Variants in STPG2 observed in about 807,000 individuals in gnomAD.
The protein encoded by STPG2 is sperm-tail PG-rich repeat-containing protein 2.
Under a neutral mutation model 54.2 loss-of-function variants are expected in STPG2, and 56 were observed. That is an observed-to-expected ratio of 1.03 (90% confidence interval 0.83 to 1.29). STPG2 has a LOEUF of 1.29. STPG2 is among the 50% of genes most tolerant of loss of function. The pLI is 0.00. For synonymous variants in STPG2, 200 were observed against 181.8 expected (o/e 1.10, Z -0.81); for missense variants, 596 against 544.9 (o/e 1.09, Z -0.93).
At chr4:97,881,795 ATATCCTAATAG>A (rs1398665266) in intron 8 of STPG2, among the ~76,000 whole-genome samples, 1 of 152,162 alleles carries the variant, frequency 6.6e-6, no homozygotes, top group African/African-American at 2.4e-5. Flanking sequence ...TATTGAAACA[ATATCCTAATAG>A]TACTCCATCA....
intron 5 of STPG2, among the ~76,000 whole-genome samples, chr4:98,023,399 T>C (rs1252105862): frequency 6.6e-6 from 1 of 152,196 alleles, no homozygotes; most frequent in East Asian, 1.9e-4. Flanking sequence ...CTGGAAGTTT[T>C]GTCTCAGAGG....
chr4:98,032,957 T>G (rs1736646361), intron 5 of STPG2, among the ~76,000 whole-genome samples: 1 of 152,110 alleles, frequency 6.6e-6, no homozygotes, highest in African/African-American at 2.4e-5. Flanking sequence ...AGAGGGAAAT[T>G]TATAGCACTA....
chr4:97,763,933 C>T (rs756340520), intron 9 of STPG2, among the ~76,000 whole-genome samples: 2 of 151,970 alleles, frequency 1.3e-5, no homozygotes, highest in Admixed American at 6.6e-5. Flanking sequence ...GTCTTCAAGG[C>T]CTACAAAATT....
chr4:97,932,799 C>A (rs1280024240), intron 8 of STPG2, among the ~76,000 whole-genome samples: 1 of 152,174 alleles, frequency 6.6e-6, no homozygotes, highest in East Asian at 1.9e-4. Context: ...CATGTCTTTG[C>A]TATTGTGAAT....
intron 9 of STPG2, among the ~76,000 whole-genome samples, chr4:97,815,684 G>C (rs1727886227): frequency 6.6e-6 from 1 of 152,076 alleles, no homozygotes; most frequent in Non-Finnish European, 1.5e-5. Context: ...TTCTCTTCTG[G>C]GAAAAGGTTA....
intron 9 of STPG2, among the ~76,000 whole-genome samples, chr4:97,775,183 A>C (rs185742280): frequency 6.6e-6 from 1 of 152,304 alleles, no homozygotes; most frequent in African/African-American, 2.4e-5. Flanking sequence ...GGGAATAATA[A>C]AAAGAGATGA....
At chr4:97,860,067 T>C (rs549774415) in intron 8 of STPG2, among the ~76,000 whole-genome samples, 1 of 152,350 alleles carries the variant, frequency 6.6e-6, no homozygotes, top group South Asian at 2.1e-4. Flanking sequence ...GAGTTCTCTA[T>C]TCTGTTCCAT....
intron 4 of STPG2, among the ~76,000 whole-genome samples, chr4:97,540,395 G>A (rs1369791544): frequency 3.9e-5 from 6 of 152,018 alleles, no homozygotes; most frequent in African/African-American, 7.2e-5. Flanking sequence ...TAAATTCCTC[G>A]ACACATACAC....
At chr4:97,622,027 T>G (rs1734024190) in intron 10 of STPG2, among the ~76,000 whole-genome samples, 1 of 152,148 alleles carries the variant, frequency 6.6e-6, no homozygotes, top group South Asian at 2.1e-4. Context: ...AAAGACCACA[T>G]GATTATTTAT....
At chr4:97,503,483 T>C (rs1730771257) in intron 4 of STPG2, among the ~76,000 whole-genome samples, 1 of 151,764 alleles carries the variant, frequency 6.6e-6, no homozygotes, top group Admixed American at 6.6e-5. Flanking sequence ...TTCTAGTGTA[T>C]TTCCTTATAT....
chr4:97,658,825 A>G (rs1362236488), intron 10 of STPG2, among the ~76,000 whole-genome samples: 2 of 152,204 alleles, frequency 1.3e-5, no homozygotes, highest in Non-Finnish European at 2.9e-5. Flanking sequence ...AGCAGGGCCT[A>G]TTGTAGCCAG....
intron 8 of STPG2, among the ~76,000 whole-genome samples, chr4:97,933,877 G>T (rs1483593197): frequency 1.3e-5 from 2 of 152,132 alleles, no homozygotes; most frequent in Non-Finnish European, 1.5e-5. Context: ...GAAGTTTAAA[G>T]TAGTTTTTTC....
At chr4:97,959,988 G>C (rs1733828064) in intron 7 of STPG2, among the ~76,000 whole-genome samples, 1 of 152,084 alleles carries the variant, frequency 6.6e-6, no homozygotes, top group Non-Finnish European at 1.5e-5. Context: ...ACATCAAAAA[G>C]ATAATCTACC....
At chr4:98,138,077 G>C (rs1740181641) in intron 1 of STPG2, among the ~76,000 whole-genome samples, 1 of 151,984 alleles carries the variant, frequency 6.6e-6, no homozygotes, top group Non-Finnish European at 1.5e-5. Context: ...CATCCATTCT[G>C]TAATAGTGAA....
intron 8 of STPG2, among the ~76,000 whole-genome samples, chr4:97,852,914 T>C (rs1729209519): frequency 6.6e-6 from 1 of 151,682 alleles, no homozygotes; most frequent in African/African-American, 2.4e-5. Flanking sequence ...CACATTTGAA[T>C]TGTAGGAAAT....
Position 98,084,323 on chromosome 4 carries a change from A to C in STPG2, c.612+21630T>G, listed in dbSNP as rs1329111306. ...TGCTAAATAGTATTACATTGTATGAATATCCCACAATTTATGTTTATCCAT... is the reference window on the plus strand; with the variant it reads ...TGCTAAATAGTATTACATTGTATGACTATCCCACAATTTATGTTTATCCAT... On this transcript the variant is annotated intron_variant, in intron 5 of 10. Coordinates refer to ENST00000295268, the MANE Select transcript of STPG2 (RefSeq NM_174952.3). 2.0e-5 allele frequency among the ~76,000 whole-genome samples: 3 copies of C among 152,182 alleles called. No homozygotes were observed. The South Asian group carries it at 6.2e-4, about 31-fold the overall frequency.
At chr4:98,071,438 C>T (rs1473048749) in intron 5 of STPG2, among the ~76,000 whole-genome samples, 1 of 148,782 alleles carries the variant, frequency 6.7e-6, no homozygotes, top group Admixed American at 6.7e-5. Context: ...TAAAGATTTA[C>T]ATGAAAACCC....
intron 7 of STPG2, among the ~76,000 whole-genome samples, chr4:97,968,330 T>A (rs560581671): frequency 5.9e-5 from 9 of 152,162 alleles, no homozygotes; most frequent in Non-Finnish European, 1.3e-4. Flanking sequence ...CAGGACAAGA[T>A]GGATTCACAG....
At chr4:97,887,322 C>G (rs1239220568) in intron 8 of STPG2, among the ~76,000 whole-genome samples, 1 of 152,112 alleles carries the variant, frequency 6.6e-6, no homozygotes, top group African/African-American at 2.4e-5. Flanking sequence ...GACCAAAATG[C>G]TGGTAGTGAA....
Sources: gnomAD v4.1 joint callset for allele counts (sites outside exome capture counted in the v4.1 genomes callset) on GRCh38, gnomAD v4.1.1 for gene constraint, MANE v1.5 for transcripts, NCBI Gene and HGNC (gene_info 2026-07-23, HGNC 2026-07-21) for gene names.